ENOX1: variants seen among roughly 807,000 people sequenced by gnomAD.
ENOX1 encodes the protein candidate growth-related and time keeping constitutive hydroquinone (NADH) oxidase.
A neutral mutation model predicts 82.5 loss-of-function variants in ENOX1; 42 were observed. The ratio of observed to expected loss-of-function variants is 0.51; its 90% CI spans 0.40 to 0.66. The LOEUF (loss-of-function observed/expected upper bound fraction) is 0.66. Among genes scored for constraint, ENOX1 ranks in the 30% least tolerant of loss-of-function variants. The pLI, the probability that ENOX1 is intolerant of heterozygous loss-of-function variation, is 0.00. For missense variants in ENOX1, 608 were observed against 811.6 expected (o/e 0.75, Z 3.05); for synonymous variants, 271 against 282.2 (o/e 0.96, Z 0.40).
chr13:43,437,559 T>C (rs1375873007), intron 3 of ENOX1, among the ~76,000 whole-genome samples: 1 of 152,186 alleles, frequency 6.6e-6, no homozygotes, highest in Non-Finnish European at 1.5e-5. Flanking sequence ...ACTTACTAGG[T>C]TTGTGACCTG....
intron 14 of ENOX1, 72 bp downstream of exon 14, chr13:43,265,326 T>C: frequency 1.5e-6 from 2 of 1,302,862 alleles, no homozygotes; most frequent in Non-Finnish European, 2.2e-6. Context: ...ATGTGGTAGA[T>C]AAAGTGCTAC....
At chr13:43,413,101 T>G in intron 3 of ENOX1, 113 bp from the exon 4 acceptor site, 2 of 1,107,260 alleles carry the variant, frequency 1.8e-6, no homozygotes, top group Non-Finnish European at 2.4e-6. Flanking sequence ...ATTTCCAGTC[T>G]CAGGCACAGA....
chr13:43,338,460 A>G (rs1021061495), intron 9 of ENOX1, among the ~76,000 whole-genome samples: 4 of 152,112 alleles, frequency 2.6e-5, no homozygotes, highest in African/African-American at 9.7e-5. Context: ...GACAAAGATG[A>G]TTTACCTGTT....
chr13:43,761,203 G>T (rs1244751918), intron 1 of ENOX1, among the ~76,000 whole-genome samples: 2 of 151,912 alleles, frequency 1.3e-5, no homozygotes, highest in African/African-American at 4.8e-5. Context: ...TTTCCCCTCA[G>T]GTATAGAAAA....
chr13:43,340,562 G>A (rs546532203), intron 9 of ENOX1, among the ~76,000 whole-genome samples: 59 of 152,296 alleles, frequency 3.9e-4, no homozygotes, highest in African/African-American at 1.2e-3. Context: ...ATACTACAAC[G>A]TAAATTTCTG....
At chr13:43,783,929 A>T (rs1489481477) in intron 1 of ENOX1, among the ~76,000 whole-genome samples, 1 of 152,222 alleles carries the variant, frequency 6.6e-6, no homozygotes, top group Admixed American at 6.5e-5. Context: ...GCAATGCCTG[A>T]GCTACAGTGT....
chr13:43,553,689 C>T (rs1489264937), intron 2 of ENOX1, among the ~76,000 whole-genome samples: 1 of 139,558 alleles, frequency 7.2e-6, no homozygotes, highest in Non-Finnish European at 1.7e-5. Context: ...TGTTGGAGAA[C>T]TGACTGTTGT....
intron 14 of ENOX1, among the ~76,000 whole-genome samples, chr13:43,253,439 C>T (rs921839231): frequency 6.6e-6 from 1 of 152,144 alleles, no homozygotes. Context: ...AGAATGACTG[C>T]CCTTTGCAGC....
At chr13:43,267,120 G>T (rs1245974639) in intron 13 of ENOX1, among the ~76,000 whole-genome samples, 1 of 152,132 alleles carries the variant, frequency 6.6e-6, no homozygotes, top group Non-Finnish European at 1.5e-5. Flanking sequence ...CCTCCCCGCT[G>T]CAGCCCACCC....
At chr13:43,477,977 A>C (rs757933876) in intron 3 of ENOX1, among the ~76,000 whole-genome samples, 6 of 151,814 alleles carry the variant, frequency 4.0e-5, no homozygotes, top group Non-Finnish European at 8.8e-5. Flanking sequence ...GGACTCCAGC[A>C]GGAAGGAAAC....
intron 2 of ENOX1, among the ~76,000 whole-genome samples, chr13:43,588,473 A>AG (rs2081092568): frequency 6.6e-6 from 1 of 152,182 alleles, no homozygotes; most frequent in Non-Finnish European, 1.5e-5. Context: ...TATAACCCTT[A>AG]AAAAAATAAT....
chr13:43,360,076 CAG>C lies in ENOX1; in HGVS notation c.383-21_383-20del, dbSNP rs2050401542. 1 of 1,609,854 alleles carries C rather than the reference CAG, an allele frequency of 6.2e-7. No individual in the cohort carries two copies. Among genetic ancestry groups the C allele is most frequent in the African/African-American group, 1.3e-5 (1 of 74,776 alleles). On this transcript the variant is annotated intron_variant, in intron 6 of 16. Coordinates refer to ENST00000690772, the MANE Select transcript of ENOX1 (RefSeq NM_001347969.2). ...GGAAGATCTAATAATCACAACAAAA[CAG>C]AAAGTTTTATCTTTCATTTATTTGC...
intron 5 of ENOX1, among the ~76,000 whole-genome samples, chr13:43,382,221 T>C (rs2052096629): frequency 6.6e-6 from 1 of 152,052 alleles, no homozygotes; most frequent in Non-Finnish European, 1.5e-5. Context: ...ATTCACGTAA[T>C]TTACCAAAGT....
At chr13:43,701,718 G>T (rs780407625) in intron 1 of ENOX1, among the ~76,000 whole-genome samples, 1 of 152,100 alleles carries the variant, frequency 6.6e-6, no homozygotes, top group Non-Finnish European at 1.5e-5. Flanking sequence ...ATTTTAGACT[G>T]AAGGAATTTT....
chr13:43,593,224 G>A (rs918902109), intron 2 of ENOX1, among the ~76,000 whole-genome samples: 1 of 152,146 alleles, frequency 6.6e-6, no homozygotes. Context: ...TGGCAATGAA[G>A]GAATTCTACT....
At chr13:43,761,197 C>T (rs113095637) in intron 1 of ENOX1, among the ~76,000 whole-genome samples, 40 of 152,170 alleles carry the variant, frequency 2.6e-4, no homozygotes, top group African/African-American at 9.2e-4. Context: ...CCTAATTTTC[C>T]CCTCAGGTAT....
chr13:43,466,670 C>T (rs1189457977), intron 3 of ENOX1, among the ~76,000 whole-genome samples: 2 of 152,162 alleles, frequency 1.3e-5, no homozygotes. Flanking sequence ...GTATAGTTCA[C>T]TCTTTTAAGG....
In ENOX1 at chr13:43,695,645, G is replaced by A. The variant is rs566592864; in HGVS notation, c.-284-28101C>T. On this transcript the variant is annotated intron_variant, in intron 1 of 16. Coordinates refer to ENST00000690772, the MANE Select transcript of ENOX1 (RefSeq NM_001347969.2). ...GTATTTTCAGTAGAGACGGGGTTTCGCCATGTTGGCCAGGCTAGTCTCGAA... is the reference window on the plus strand; with the variant it reads ...GTATTTTCAGTAGAGACGGGGTTTCACCATGTTGGCCAGGCTAGTCTCGAA... Among the ~76,000 whole-genome samples, 24 of 151,900 alleles carry A rather than the reference G, an allele frequency of 1.6e-4. No homozygotes were observed. The East Asian group carries it at 2.9e-3, about 18-fold the overall frequency.
At chr13:43,456,671 G>C (rs1207372214) in intron 3 of ENOX1, among the ~76,000 whole-genome samples, 2 of 152,008 alleles carry the variant, frequency 1.3e-5, no homozygotes, top group Admixed American at 1.3e-4. Context: ...CTCTCTCCTG[G>C]GCCCAATCCC....
Sources: allele counts gnomAD v4.1 joint callset (sites outside exome capture counted in the v4.1 genomes callset), GRCh38; gene constraint gnomAD v4.1.1; transcripts MANE v1.5; gene names NCBI Gene and HGNC (gene_info 2026-07-23, HGNC 2026-07-21).